Variants in RSPH6A observed in about 807,000 individuals in gnomAD.
The protein encoded by RSPH6A is radial spoke head 6 homolog A.
Under a neutral mutation model 66.1 loss-of-function variants are expected in RSPH6A, and 49 were observed. The observed-to-expected ratio is 0.74, with a 90% CI of 0.59 to 0.94. The LOEUF is 0.94. RSPH6A is among the 40% of genes least tolerant of loss of function. The pLI is 0.00. For missense variants in RSPH6A, 977 were observed against 948.3 expected (o/e 1.03, Z -0.40); for synonymous variants, 419 against 402.4 (o/e 1.04, Z -0.49).
Position 45,795,759 on chromosome 19 carries a change from C to G in RSPH6A, c.*110G>C. On this transcript the variant is annotated 3_prime_UTR_variant, in exon 6 of 6. Coordinates refer to ENST00000221538, the MANE Select transcript of RSPH6A (RefSeq NM_030785.4). ...GAAGCAGTTGCCTTCCTTTTCTATC[C>G]CTGCCCTCTGGGGACAGGAAGCACA... The G allele has an allele frequency of 9.9e-7, 1 of 1,005,420 alleles. No homozygotes were observed. Among genetic ancestry groups the G allele is most frequent in the Non-Finnish European group, 1.5e-6 (1 of 684,940 alleles). The allele number at this position is 1,005,420 out of a possible 1,614,324, so 62.3% of individuals were successfully genotyped here. A position where few individuals can be genotyped will look rare whatever the true frequency, so the allele number is the denominator to read the frequency against.
intron 1 of RSPH6A, among the ~76,000 whole-genome samples, chr19:45,811,707 A>AT (rs1032071543): frequency 6.7e-6 from 1 of 148,206 alleles, no homozygotes; most frequent in African/African-American, 2.5e-5. Flanking sequence ...AAGTGTTGGG[A>AT]TTACAGGCGT....
chr19:45,809,399 G>A (rs1224058108), intron 2 of RSPH6A, among the ~76,000 whole-genome samples: 2 of 142,348 alleles, frequency 1.4e-5, no homozygotes, highest in Admixed American at 1.5e-4. Flanking sequence ...CCACCTCCCA[G>A]TTTCACGCCA....
intron 1 of RSPH6A, among the ~76,000 whole-genome samples, chr19:45,813,462 A>G (rs1271538474): frequency 2.0e-5 from 3 of 149,674 alleles, no homozygotes; most frequent in Non-Finnish European, 4.5e-5. Flanking sequence ...TCCTGCCTCA[A>G]CCTCCCGAGG....
chr19:45,796,222 C>T (rs949362482), intron 5 of RSPH6A, 116 bp from the exon 6 acceptor site: 19 of 716,098 alleles, frequency 2.7e-5, no homozygotes, highest in Non-Finnish European at 3.2e-5. Flanking sequence ...GGTGTGATCT[C>T]GACTTACTGC....
chr19:45,810,066 T>C (rs1481284388), intron 2 of RSPH6A, among the ~76,000 whole-genome samples: 5 of 152,198 alleles, frequency 3.3e-5, no homozygotes, highest in African/African-American at 1.2e-4. Context: ...CCTAATACTT[T>C]GGGAGGCCGA....
intron 1 of RSPH6A, 145 bp downstream of exon 1, chr19:45,814,382 T>A: frequency 1.6e-6 from 1 of 633,702 alleles, no homozygotes; most frequent in Non-Finnish European, 2.4e-6. Flanking sequence ...TAGCTGTTGT[T>A]GGCATTGATT....
Position 45,810,781 on chromosome 19 carries a change from A to G in RSPH6A, c.710T>C (p.Leu237Ser), listed in dbSNP as rs1970616862. Residue 237 changes from leucine to serine, a missense_variant, in exon 2 of 6, where the codon TTG becomes TCG. Coordinates refer to ENST00000221538, the MANE Select transcript of RSPH6A (RefSeq NM_030785.4). ...KILNQRPEDP[L>S]SVLESLNRTT... ...GCGGTTCAGAGACTCCAGGACAGACAAGGGGTCCTCAGGCCGCTGGTTCAG... is the reference window on the plus strand; with the variant it reads ...GCGGTTCAGAGACTCCAGGACAGACGAGGGGTCCTCAGGCCGCTGGTTCAG... 6.2e-7 allele frequency: 1 copy of G among 1,613,714 alleles called. No homozygotes were observed.
rs758215902 is a variant in RSPH6A, at chr19:45,815,226, G to A, written c.-50C>T. 4.2e-5 allele frequency: 62 copies of A among 1,484,624 alleles called. 1 individual carries two copies. The highest frequency in any genetic ancestry group is 4.8e-4 in the Middle Eastern group (2 of 4,140). 92.0% of individuals were successfully genotyped at this position (1,484,624 alleles called of 1,614,324 possible). ...TAGGAGAAAGGCTTGCAGACAAGGA[G>A]GCCAAGCGAGAGCCACCTGTCGACA... On this transcript the variant is annotated 5_prime_UTR_variant, in exon 1 of 6. Transcript: ENST00000221538.
chr19:45,799,111 T>C (rs556871532), intron 5 of RSPH6A, among the ~76,000 whole-genome samples: 1 of 152,338 alleles, frequency 6.6e-6, no homozygotes, highest in South Asian at 2.1e-4. Context: ...CCAGATTACA[T>C]GCAATCCCAC....
chr19:45,808,615 TAATAA>T (rs1318245140), intron 2 of RSPH6A, among the ~76,000 whole-genome samples: 1 of 145,684 alleles, frequency 6.9e-6, no homozygotes, highest in African/African-American at 2.5e-5. Context: ...AAAAATAAAA[TAATAA>T]AATAAAATTA....
At chr19:45,811,003 T>G (rs569694677) in intron 1 of RSPH6A, 163 bp from the exon 2 acceptor site, 22 of 503,350 alleles carry the variant, frequency 4.4e-5, no homozygotes, top group Admixed American at 3.7e-4. Context: ...TTTTTATTTA[T>G]TTAGTTTTTG....
chr19:45,804,053 GA>G lies in RSPH6A; in HGVS notation c.1653+198del, dbSNP rs943680589. On this transcript the variant is annotated intron_variant, in intron 3 of 5. Transcript: ENST00000221538. This position sits in a 1 kb window ranked among gnomAD's most constrained non-coding sequence, Gnocchi z 5.8. Reference sequence around the variant, plus strand: ...GAAAAAAAAGAAGAAAGAAAGAAAAGAAAAAAAAATGCCTCTGTCCCCAAAG... The same window carrying G: ...GAAAAAAAAGAAGAAAGAAAGAAAAGAAAAAAAATGCCTCTGTCCCCAAAG... Among the ~76,000 whole-genome samples the G allele has an allele frequency of 4.1e-4, 62 of 149,462 alleles. No homozygotes were observed. The highest frequency in any genetic ancestry group is 6.0e-4 in the Admixed American group (9 of 15,028).
chr19:45,805,672 A>G (rs1451084307), intron 2 of RSPH6A, among the ~76,000 whole-genome samples: 4 of 148,600 alleles, frequency 2.7e-5, no homozygotes, highest in East Asian at 2.0e-4. Flanking sequence ...AGCCTGGGTG[A>G]TAGAGTGAGA....
rs754368616 is a variant in RSPH6A at position 45,802,122 on chromosome 19, G to C, written c.1796C>G (p.Ala599Gly). The C allele has an allele frequency of 1.3e-6, 2 of 1,526,062 alleles. No homozygotes were observed. The highest frequency in any genetic ancestry group is 5.0e-5 in the East Asian group (2 of 39,718). The allele number at this position is 1,526,062 out of a possible 1,614,324, so 94.5% of individuals were successfully genotyped here. The change falls in exon 4 of 6, where the codon GCA (alanine) becomes GGA (glycine). Residue 599 changes from alanine (A) to glycine (G), a missense_variant and splice_region_variant. Transcript: ENST00000221538. ...ACAGGCTGAGAGGGCTTCCTTACCTGCATCTTCTGAAAGTGGCGTTAGCAG... is the reference window on the plus strand; with the variant it reads ...ACAGGCTGAGAGGGCTTCCTTACCTCCATCTTCTGAAAGTGGCGTTAGCAG... ...PPLLTPLSED[A>G]EIMHLAPWTT... is the part of the protein sequence containing the mutation.
chr19:45,804,240 C>T lies in RSPH6A; in HGVS notation c.1653+12G>A, dbSNP rs1970509253. On this transcript the variant is annotated intron_variant, in intron 3 of 5. Transcript: ENST00000221538. This position sits in a 1 kb window ranked among gnomAD's most constrained non-coding sequence, Gnocchi z 5.8. ...CCTGCCGTTTGTGAGAGGCGGGAGT[C>T]CCGGCGCTCACCTGCGGCAGGATGT... The T allele has an allele frequency of 1.3e-6, 2 of 1,590,148 alleles. 1 individual carries two copies. The highest frequency in any genetic ancestry group is 2.2e-5 in the South Asian group (2 of 88,982).
chr19:45,803,210 G>GAAAA (rs537694212), intron 3 of RSPH6A, among the ~76,000 whole-genome samples: 11 of 104,084 alleles, frequency 1.1e-4, no homozygotes, highest in African/African-American at 3.4e-4. Context: ...CTCCGTCTCA[G>GAAAA]AAAAAAAAAA....
chr19:45,800,688 C>T, intron 4 of RSPH6A, 125 bp from the exon 5 acceptor site: 1 of 665,672 alleles, frequency 1.5e-6, no homozygotes, highest in Non-Finnish European at 2.5e-6. Flanking sequence ...GAACTATAGC[C>T]ACCAACAGCT....
intron 4 of RSPH6A, among the ~76,000 whole-genome samples, chr19:45,800,919 T>C (rs1433580224): frequency 6.6e-6 from 1 of 150,864 alleles, no homozygotes; most frequent in Admixed American, 6.6e-5. Context: ...TTCCTCAACC[T>C]CCCGAGTAGC....
At chr19:45,802,698 G>C (rs1970488355) in intron 3 of RSPH6A, among the ~76,000 whole-genome samples, 1 of 151,436 alleles carries the variant, frequency 6.6e-6, no homozygotes, top group East Asian at 2.0e-4. Flanking sequence ...GTAGAGACGG[G>C]GTTTCACCAA....
Sources: gnomAD v4.1 joint callset for allele counts (sites outside exome capture counted in the v4.1 genomes callset) on GRCh38, gnomAD v4.1.1 for gene constraint, Gnocchi (gnomAD v3.1) non-coding constraint, MANE v1.5 for transcripts, NCBI Gene and HGNC (gene_info 2026-07-23, HGNC 2026-07-21) for gene names.